Variants in RHOJ observed in about 807,000 individuals in gnomAD.
The protein encoded by RHOJ is ras homolog family member J.
In RHOJ, 11 loss-of-function variants were observed where a neutral mutation model predicts 23.4. The observed-to-expected ratio is 0.47, with a 90% CI of 0.30 to 0.78. The LOEUF is 0.78. Ranked by LOEUF, RHOJ falls within the 30% of genes least tolerant of loss-of-function variation. The pLI, the probability that RHOJ is intolerant of heterozygous loss-of-function variation, is 0.08. For missense variants in RHOJ, 254 were observed against 273.4 expected, an observed-to-expected ratio of 0.93 and a Z score of 0.50; for synonymous variants, 102 against 102.7, an observed-to-expected ratio of 0.99 and a Z score of 0.04.
intron 4 of RHOJ, among the ~76,000 whole-genome samples, chr14:63,289,234 C>T (rs537242013): frequency 6.6e-6 from 1 of 152,276 alleles, no homozygotes; most frequent in South Asian, 2.1e-4. Context: ...TGTCCAACTC[C>T]TCTTGAAAAA....
chr14:63,205,530 T>C (rs1358125369), intron 1 of RHOJ, among the ~76,000 whole-genome samples: 1 of 152,260 alleles, frequency 6.6e-6, no homozygotes, highest in East Asian at 1.9e-4. Flanking sequence ...ATTTTTTCTA[T>C]AACAATTGGT....
At chr14:63,261,175 G>A (rs1895265831) in intron 1 of RHOJ, among the ~76,000 whole-genome samples, 1 of 152,002 alleles carries the variant, frequency 6.6e-6, no homozygotes. Context: ...TCACTCCAAT[G>A]TTAATTTGCC....
chr14:63,256,959 C>T (rs1895177563), intron 1 of RHOJ, among the ~76,000 whole-genome samples: 3 of 152,036 alleles, frequency 2.0e-5, no homozygotes, highest in Admixed American at 2.0e-4. Flanking sequence ...GTAGTCCCAG[C>T]TACTCAGGAG....
chr14:63,251,975 G>C (rs1354845434), intron 1 of RHOJ, among the ~76,000 whole-genome samples: 1 of 151,988 alleles, frequency 6.6e-6, no homozygotes, highest in Non-Finnish European at 1.5e-5. Flanking sequence ...ACAAAACTTA[G>C]CCGGGCTTGG....
intron 1 of RHOJ, among the ~76,000 whole-genome samples, chr14:63,236,140 C>G (rs911358572): frequency 6.6e-6 from 1 of 152,196 alleles, no homozygotes; most frequent in Non-Finnish European, 1.5e-5. Context: ...ACAGAATTCT[C>G]TTTTACGGCC....
At chr14:63,216,523 AAAGT>A (rs1894359425) in intron 1 of RHOJ, among the ~76,000 whole-genome samples, 1 of 152,226 alleles carries the variant, frequency 6.6e-6, no homozygotes, top group South Asian at 2.1e-4. Flanking sequence ...TATACTTGTC[AAAGT>A]AAGAATTATT....
intron 1 of RHOJ, among the ~76,000 whole-genome samples, chr14:63,257,988 A>G (rs996083189): frequency 1.3e-5 from 2 of 149,732 alleles, no homozygotes; most frequent in Non-Finnish European, 3.0e-5. Flanking sequence ...GCACTTTGCG[A>G]GGCCGAGGCG....
At chr14:63,269,416 A>G in intron 2 of RHOJ, 1 of 367,174 alleles carries the variant, frequency 2.7e-6, no homozygotes. Context: ...ATGACCATCA[A>G]AAACCAGAAT....
chr14:63,213,550 A>C (rs1214174906), intron 1 of RHOJ, among the ~76,000 whole-genome samples: 1 of 152,154 alleles, frequency 6.6e-6, no homozygotes, highest in African/African-American at 2.4e-5. Context: ...ATGGGCACCT[A>C]TGTTGATTCC....
chr14:63,281,150 G>A lies in RHOJ; in HGVS notation c.402+15G>A, dbSNP rs777539532. On this transcript the variant is annotated intron_variant, in intron 3 of 4. Coordinates refer to ENST00000316754, the MANE Select transcript of RHOJ (RefSeq NM_020663.5). ...TAGGGACCCAGGTTAAAATGTGGGC[G>A]ATGGCAGGGTGGAGCGGGCTGCAAA... is the stretch of plus-strand genomic sequence containing the variant. 2.8e-5 allele frequency: 44 copies of A among 1,595,744 alleles called. No individual in the cohort carries two copies. The highest frequency in any genetic ancestry group is 1.3e-4 in the African/African-American group (10 of 74,226).
intron 1 of RHOJ, among the ~76,000 whole-genome samples, chr14:63,221,610 A>G (rs1894495466): frequency 1.3e-5 from 2 of 152,244 alleles, no homozygotes; most frequent in African/African-American, 4.8e-5. Context: ...CGCATCTCCC[A>G]TGGATGTGCC....
intron 1 of RHOJ, among the ~76,000 whole-genome samples, chr14:63,237,197 G>C (rs1235173504): frequency 6.6e-6 from 1 of 152,082 alleles, no homozygotes. Flanking sequence ...AGCTTGCCTA[G>C]AGAAATAAGA....
At chr14:63,254,893 G>A (rs17824504) in intron 1 of RHOJ, among the ~76,000 whole-genome samples, 8,263 of 152,162 alleles carry the variant, frequency 0.054, 277 homozygotes, top group East Asian at 0.13. Flanking sequence ...AAGAAAGCAC[G>A]TTGGGTTTTT....
At chr14:63,233,256 A>G (rs908367982) in intron 1 of RHOJ, among the ~76,000 whole-genome samples, 1 of 152,218 alleles carries the variant, frequency 6.6e-6, no homozygotes, top group African/African-American at 2.4e-5. Flanking sequence ...CAAAAAGTAT[A>G]TTAGTAGTTT....
rs373976375 is a variant in RHOJ at position 63,207,656 on chromosome 14, G to A, written c.178+2609G>A. ...AACCCAGAAAAGTAGAGATAAAATA[G>A]TAAGGATGGAAATACAACCTACTGT... On this transcript the variant is annotated intron_variant, in intron 1 of 4. Transcript: ENST00000316754. Among the ~76,000 whole-genome samples the A allele has an allele frequency of 4.9e-4, 74 of 152,324 alleles. 1 individual carries two copies. In the East Asian group the frequency reaches 5.0e-3, roughly 10 times the overall value.
chr14:63,244,664 T>C (rs1009540281), intron 1 of RHOJ, among the ~76,000 whole-genome samples: 10 of 152,170 alleles, frequency 6.6e-5, no homozygotes, highest in Non-Finnish European at 7.4e-5. Flanking sequence ...ACCCATCAAA[T>C]CTCAAGCATT....
In RHOJ at chr14:63,269,726, C is replaced by T. The variant is rs185961854; in HGVS notation, c.237+558C>T. The stretch of plus-strand genomic sequence containing the variant: ...TAACTGGAGGTTGACTCTAACTTCC[C>T]TAAGATTCTTGAAATATTCTCACTT... On this transcript the variant is annotated intron_variant, in intron 2 of 4. Transcript: ENST00000316754. 6.6e-5 allele frequency among the ~76,000 whole-genome samples: 10 copies of T among 152,298 alleles called. No individual in the cohort carries two copies. The East Asian group carries it at 1.9e-3, about 29-fold the overall frequency.
intron 1 of RHOJ, among the ~76,000 whole-genome samples, chr14:63,262,580 A>C (rs971056365): frequency 1.3e-5 from 2 of 152,218 alleles, no homozygotes; most frequent in African/African-American, 2.4e-5. Context: ...CAACACTAAT[A>C]GCTCCAGGAA....
At chr14:63,254,709 G>A (rs1160282769) in intron 1 of RHOJ, among the ~76,000 whole-genome samples, 3 of 152,116 alleles carry the variant, frequency 2.0e-5, no homozygotes, top group Non-Finnish European at 4.4e-5. Flanking sequence ...ACCCAGAGAA[G>A]ATAAACATGT....
Sources: gnomAD v4.1 joint callset for allele counts (sites outside exome capture counted in the v4.1 genomes callset) on GRCh38, gnomAD v4.1.1 for gene constraint, MANE v1.5 for transcripts, NCBI Gene and HGNC (gene_info 2026-07-23, HGNC 2026-07-21) for gene names.